Variants in SLCO3A1 observed in about 807,000 individuals in gnomAD.
The protein encoded by SLCO3A1 is PGE1 transporter.
A neutral mutation model predicts 63.1 loss-of-function variants in SLCO3A1; 27 were observed. The ratio of observed to expected loss-of-function variants is 0.43; its 90% CI spans 0.32 to 0.59. The LOEUF is 0.59. SLCO3A1 is among the 20% of genes least tolerant of loss of function. The pLI is 0.09. For missense variants in SLCO3A1, 773 were observed against 945.8 expected (o/e 0.82, Z 2.40); for synonymous variants, 473 against 409.9 (o/e 1.15, Z -1.86).
At chr15:91,979,888 C>T (rs1388762665) in intron 2 of SLCO3A1, among the ~76,000 whole-genome samples, 1 of 152,170 alleles carries the variant, frequency 6.6e-6, no homozygotes, top group African/African-American at 2.4e-5. Flanking sequence ...AGGATCATGG[C>T]ATTCATCAGC....
intron 2 of SLCO3A1, among the ~76,000 whole-genome samples, chr15:92,072,295 GTTTTCT>G (rs932289667): frequency 8.8e-5 from 13 of 148,244 alleles, no homozygotes; most frequent in South Asian, 6.4e-4. Flanking sequence ...CTCAACCTTT[GTTTTCT>G]TTTTCTTTTT....
chr15:91,888,040 T>G (rs1035288228), intron 1 of SLCO3A1, among the ~76,000 whole-genome samples: 1 of 152,210 alleles, frequency 6.6e-6, no homozygotes, highest in Non-Finnish European at 1.5e-5. Flanking sequence ...TGTAGTCATC[T>G]GTGTTTGGCA....
intron 2 of SLCO3A1, among the ~76,000 whole-genome samples, chr15:92,055,860 G>T (rs188864449): frequency 6.6e-6 from 1 of 152,300 alleles, no homozygotes; most frequent in Admixed American, 6.5e-5. Context: ...ATGAAAATGG[G>T]AAGTGAGGTT....
intron 2 of SLCO3A1, among the ~76,000 whole-genome samples, chr15:91,918,653 TA>T (rs749829377): frequency 3.3e-5 from 5 of 152,288 alleles, no homozygotes; most frequent in East Asian, 3.9e-4. Flanking sequence ...GTATGAGCTA[TA>T]AAAAAAGTGT....
rs80048313 is a variant in SLCO3A1, at chr15:92,158,749, G to C, written c.1754-4007G>C. 6.6e-3 allele frequency among the ~76,000 whole-genome samples: 1,008 copies of C among 152,262 alleles called. 17 individuals are homozygous for C. The highest frequency in any genetic ancestry group is 0.023 in the African/African-American group (957 of 41,550). On this transcript the variant is annotated intron_variant, in intron 9 of 9. Transcript: ENST00000318445. ...TCAGGTGAGTTCCAGAATGGCAGAG[G>C]CCTCTAACAAAAAAGATGCAGTCCG...
At chr15:91,928,265 A>T (rs1053976762) in intron 2 of SLCO3A1, among the ~76,000 whole-genome samples, 1 of 152,236 alleles carries the variant, frequency 6.6e-6, no homozygotes, top group African/African-American at 2.4e-5. Context: ...ATGGGGTCGC[A>T]GCTGTTATGA....
intron 2 of SLCO3A1, among the ~76,000 whole-genome samples, chr15:92,037,688 A>G (rs1261520607): frequency 6.6e-6 from 1 of 152,240 alleles, no homozygotes; most frequent in Non-Finnish European, 1.5e-5. Flanking sequence ...TGTCAAGCCA[A>G]CTGTGTAATC....
Position 91,968,205 on chromosome 15 carries a change from C to T in SLCO3A1, c.646+51747C>T, listed in dbSNP as rs1278226639. On this transcript the variant is annotated intron_variant, in intron 2 of 9. Coordinates refer to ENST00000318445, the MANE Select transcript of SLCO3A1 (RefSeq NM_013272.4). The surrounding 1 kb of genome is among the most constrained non-coding windows in gnomAD (Gnocchi z 4.2). The stretch of plus-strand genomic sequence containing the variant: ...GAGCGTGTGCCCTGAGTTTCAGTGC[C>T]GGATCAGAGACTGGAAAAGTCTGTA... Among the ~76,000 whole-genome samples the T allele has an allele frequency of 6.6e-6, 1 of 151,994 alleles. No homozygotes were observed. Among genetic ancestry groups the T allele is most frequent in the African/African-American group, 2.4e-5 (1 of 41,380 alleles).
At chr15:92,022,749 C>T (rs1192954130) in intron 2 of SLCO3A1, among the ~76,000 whole-genome samples, 1 of 152,168 alleles carries the variant, frequency 6.6e-6, no homozygotes, top group East Asian at 1.9e-4. Flanking sequence ...GAGAGACTAA[C>T]TGCATGGTTG....
intron 2 of SLCO3A1, among the ~76,000 whole-genome samples, chr15:92,083,232 T>A (rs960773862): frequency 6.6e-6 from 1 of 152,170 alleles, no homozygotes; most frequent in Non-Finnish European, 1.5e-5. Context: ...ATCTCAAGAT[T>A]CCTCTAAAGA....
intron 7 of SLCO3A1, among the ~76,000 whole-genome samples, chr15:92,135,174 G>C (rs970313524): frequency 2.0e-5 from 3 of 152,186 alleles, no homozygotes; most frequent in Admixed American, 1.3e-4. Flanking sequence ...AAGCTGGAGG[G>C]AGAGATGGAG....
chr15:92,110,817 A>G (rs140483352), intron 4 of SLCO3A1, among the ~76,000 whole-genome samples: 15 of 152,196 alleles, frequency 9.9e-5, no homozygotes, highest in African/African-American at 3.6e-4. Flanking sequence ...CGCTTTCCCT[A>G]AAGCTCCCCT....
At chr15:92,028,324 A>G (rs554204098) in intron 2 of SLCO3A1, among the ~76,000 whole-genome samples, 63 of 152,188 alleles carry the variant, frequency 4.1e-4, no homozygotes, top group Non-Finnish European at 7.2e-4. Flanking sequence ...GGGAAGCCAC[A>G]GCACCAAAAT....
intron 2 of SLCO3A1, among the ~76,000 whole-genome samples, chr15:91,925,484 T>G (rs1898981230): frequency 6.6e-6 from 1 of 151,966 alleles, no homozygotes; most frequent in Non-Finnish European, 1.5e-5. Flanking sequence ...TGTTTTTTTT[T>G]TTTTTTTTTA....
At chr15:92,111,648 G>C (rs1275764860) in intron 4 of SLCO3A1, among the ~76,000 whole-genome samples, 1 of 152,132 alleles carries the variant, frequency 6.6e-6, no homozygotes, top group African/African-American at 2.4e-5. Context: ...AGCACCGGAG[G>C]GATAGGTCCA....
chr15:92,171,161 C>A (rs763708082), intron 10 of SLCO3A1: 1 of 152,322 alleles, frequency 6.6e-6, no homozygotes, highest in Non-Finnish European at 1.5e-5. Context: ...ATCAATGAGA[C>A]CTGCACAGCT....
At chr15:92,035,665 G>C (rs2046717015) in intron 2 of SLCO3A1, among the ~76,000 whole-genome samples, 1 of 151,724 alleles carries the variant, frequency 6.6e-6, no homozygotes, top group African/African-American at 2.4e-5. Context: ...AACACCCGTG[G>C]AGCCCCAGAC....
At chr15:91,984,513 C>T (rs968593607) in intron 2 of SLCO3A1, among the ~76,000 whole-genome samples, 2 of 152,072 alleles carry the variant, frequency 1.3e-5, no homozygotes, top group South Asian at 2.1e-4. Flanking sequence ...TAAACCTCAT[C>T]GGTAAAGGTT....
chr15:91,894,807 T>C lies in SLCO3A1; in HGVS notation c.181-21186T>C, dbSNP rs1466148604. Among the ~76,000 whole-genome samples, 1 of 152,180 alleles carries C rather than the reference T, an allele frequency of 6.6e-6. No homozygotes were observed. Among genetic ancestry groups the C allele is most frequent in the East Asian group, 1.9e-4 (1 of 5,190 alleles). On this transcript the variant is annotated intron_variant, in intron 1 of 9. Transcript: ENST00000318445. This position sits in a 1 kb window ranked among gnomAD's most constrained non-coding sequence, Gnocchi z 4.8. ...AGCAAGGGCTTACTCACCCTCACCC[T>C]GCACATGCTTCTGCCACACAGAGGC...
Sources: allele counts gnomAD v4.1 joint callset (sites outside exome capture counted in the v4.1 genomes callset), GRCh38; gene constraint gnomAD v4.1.1; non-coding constraint Gnocchi (gnomAD v3.1); transcripts MANE v1.5; gene names NCBI Gene and HGNC (gene_info 2026-07-23, HGNC 2026-07-21).